The following PARD3 variants were observed in gnomAD, a reference collection of about 807,000 sequenced individuals.
The protein encoded by PARD3 is partitioning defective 3 homolog.
Under a neutral mutation model 155.4 loss-of-function variants are expected in PARD3, and 75 were observed. The observed-to-expected ratio is 0.48, with a 90% CI of 0.40 to 0.58. The LOEUF is 0.58. Among genes scored for constraint, PARD3 ranks in the 20% least tolerant of loss-of-function variants. The pLI, the probability that PARD3 is intolerant of heterozygous loss-of-function variation, is 0.00. For synonymous variants in PARD3, 576 were observed against 610.5 expected (o/e 0.94, Z 0.83); for missense variants, 1,642 against 1,721.7 (o/e 0.95, Z 0.82).
Position 34,788,895 on chromosome 10 carries a change from G to C in PARD3, c.120+25981C>G, listed in dbSNP as rs1340768415. 3.9e-5 allele frequency among the ~76,000 whole-genome samples: 6 copies of C among 152,250 alleles called. No individual in the cohort carries two copies. In the South Asian group the frequency reaches 1.2e-3, roughly 32 times the overall value. ...GAGAGCACTCTCCCATGCAGGCCAG[G>C]TATACACTGGCACACCCCATCTGGA... On this transcript the variant is annotated intron_variant, in intron 1 of 24. Transcript: ENST00000374788.
intron 22 of PARD3, among the ~76,000 whole-genome samples, chr10:34,228,825 C>G (rs1952761043): frequency 6.6e-6 from 1 of 152,100 alleles, no homozygotes; most frequent in South Asian, 2.1e-4. Flanking sequence ...ATGTGAAACT[C>G]TCTTCATCTG....
intron 3 of PARD3, among the ~76,000 whole-genome samples, chr10:34,499,595 A>G (rs2080539548): frequency 6.6e-6 from 1 of 152,218 alleles, no homozygotes; most frequent in Non-Finnish European, 1.5e-5. Context: ...GATATGAAGT[A>G]CACATTTAAA....
Position 34,198,453 on chromosome 10 carries a change from G to GGTGTGTGT in PARD3, c.3420-66878_3420-66871dup, listed in dbSNP as rs59976562. ...GAATGCCTATCTGAAATCACTAATT[G>GGTGTGTGT]GTGTGTGTGTGTGTGTGTGTGTGTG... On this transcript the variant is annotated intron_variant, in intron 22 of 24. Transcript: ENST00000374788. Among the ~76,000 whole-genome samples, 137 of 147,020 alleles carry GGTGTGTGT rather than the reference G, an allele frequency of 9.3e-4. 1 individual carries two copies. Among genetic ancestry groups the GGTGTGTGT allele is most frequent in the Middle Eastern group, 7.1e-3 (2 of 280 alleles).
intron 22 of PARD3, among the ~76,000 whole-genome samples, chr10:34,176,603 C>A (rs1464572538): frequency 1.3e-5 from 2 of 152,204 alleles, no homozygotes; most frequent in African/African-American, 4.8e-5. Context: ...CTGTACCGTT[C>A]CCTATAATCT....
At chr10:34,785,854 C>A (rs1465538746) in intron 1 of PARD3, among the ~76,000 whole-genome samples, 1 of 152,204 alleles carries the variant, frequency 6.6e-6, no homozygotes, top group East Asian at 1.9e-4. Flanking sequence ...AAAATTAATA[C>A]TATACATTGC....
At chr10:34,738,522 TCATTAAAA>T (rs1281886245) in intron 1 of PARD3, among the ~76,000 whole-genome samples, 6 of 149,450 alleles carry the variant, frequency 4.0e-5, no homozygotes, top group Non-Finnish European at 6.0e-5. Flanking sequence ...CATCACTACC[TCATTAAAA>T]TACCTCATTA....
chr10:34,405,539 T>C (rs1844374919), intron 5 of PARD3, among the ~76,000 whole-genome samples: 3 of 152,172 alleles, frequency 2.0e-5, no homozygotes, highest in South Asian at 2.1e-4. Context: ...GATAAATAAA[T>C]GCTATATACA....
chr10:34,684,241 C>T (rs1455594989), intron 2 of PARD3, among the ~76,000 whole-genome samples: 4 of 152,210 alleles, frequency 2.6e-5, no homozygotes, highest in African/African-American at 9.6e-5. Context: ...GTGAACCACA[C>T]ACACTGTCCT....
intron 3 of PARD3, among the ~76,000 whole-genome samples, chr10:34,514,521 C>T (rs2133595489): frequency 6.6e-6 from 1 of 152,300 alleles, no homozygotes; most frequent in Non-Finnish European, 1.5e-5. Context: ...ATTACGTTCA[C>T]ATAGTTATGG....
At position 34,343,711 on chromosome 10, in the gene PARD3, T is replaced by C. The variant is rs1437801566; in HGVS notation, c.2219-1895A>G. The C allele has an allele frequency of 1.0e-5, 10 of 984,384 alleles. No homozygotes were observed. In the South Asian group the frequency reaches 2.8e-4, roughly 28 times the overall value. 61.0% of individuals were successfully genotyped at this position (984,384 alleles called of 1,614,324 possible). On this transcript the variant is annotated intron_variant, in intron 15 of 24. Transcript: ENST00000374788. ...ATGATCCCTTAATTATGTTTGCTAG[T>C]AGTTGGTACATCATAAATGTGAAAC...
intron 2 of PARD3, among the ~76,000 whole-genome samples, chr10:34,613,945 GATATAAAACTAT>G (rs1383594536): frequency 6.6e-6 from 1 of 152,056 alleles, no homozygotes; most frequent in African/African-American, 2.4e-5. Context: ...ACTTATTCAA[GATATAAAACTAT>G]AGCAAACATT....
At chr10:34,479,967 T>G (rs990250840) in intron 3 of PARD3, among the ~76,000 whole-genome samples, 1 of 152,204 alleles carries the variant, frequency 6.6e-6, no homozygotes, top group Non-Finnish European at 1.5e-5. Flanking sequence ...AGCTGTGACA[T>G]TCCCCAGAGG....
At chr10:34,743,692 G>C (rs1362976931) in intron 1 of PARD3, among the ~76,000 whole-genome samples, 1 of 152,110 alleles carries the variant, frequency 6.6e-6, no homozygotes, top group Non-Finnish European at 1.5e-5. Context: ...GCCAGTGATG[G>C]GTATCTGAAC....
intron 1 of PARD3, among the ~76,000 whole-genome samples, chr10:34,808,302 CCT>C (rs1277428471): frequency 6.6e-6 from 1 of 151,822 alleles, no homozygotes. Context: ...TGACAAAGAC[CCT>C]GTCTCAAAAA....
intron 2 of PARD3, among the ~76,000 whole-genome samples, chr10:34,670,314 G>A (rs926207430): frequency 6.6e-6 from 1 of 152,212 alleles, no homozygotes. Context: ...ACACCGGCTC[G>A]CCAGGCCGCC....
intron 5 of PARD3, among the ~76,000 whole-genome samples, chr10:34,417,100 A>G (rs1454441821): frequency 3.3e-5 from 5 of 152,138 alleles, no homozygotes; most frequent in Non-Finnish European, 7.4e-5. Flanking sequence ...AGTAGCACCA[A>G]TTCCCCAGCC....
Position 34,348,032 on chromosome 10 carries a change from G to A in PARD3, c.2151C>T (p.Ser717=), listed in dbSNP as rs777967851. The A allele has an allele frequency of 5.6e-6, 9 of 1,613,346 alleles. No individual in the cohort carries two copies. In the East Asian group the frequency reaches 1.1e-4, roughly 20 times the overall value. ...CAAGCCCCTCAATCCCACTGTAGAG[G>A]GAATGGGAAATTCTTCGTTCTCTAT... ...LDDRERRISH[S]LYSGIEGLDE... is the part of the protein sequence containing the mutation. The change falls in exon 15 of 25, where the codon TCC becomes TCT. Residue 717 remains serine, a synonymous_variant. Transcript: ENST00000374788.
intron 5 of PARD3, among the ~76,000 whole-genome samples, chr10:34,443,470 T>A (rs1364837852): frequency 1.3e-5 from 2 of 152,144 alleles, no homozygotes; most frequent in African/African-American, 4.8e-5. Flanking sequence ...CATGTTACAG[T>A]TCCATGCGGC....
chr10:34,628,244 GA>G (rs2092082263), intron 2 of PARD3, among the ~76,000 whole-genome samples: 1 of 152,186 alleles, frequency 6.6e-6, no homozygotes, highest in Admixed American at 6.5e-5. Context: ...CCATCCACAA[GA>G]AATAAGCTCA....
Sources: gnomAD v4.1 joint callset for allele counts (sites outside exome capture counted in the v4.1 genomes callset) on GRCh38, gnomAD v4.1.1 for gene constraint, MANE v1.5 for transcripts, NCBI Gene and HGNC (gene_info 2026-07-23, HGNC 2026-07-21) for gene names.